Variants in TSC2 observed in about 807,000 individuals in gnomAD.
The protein encoded by TSC2 is tuberin.
In TSC2, 29 loss-of-function variants were observed where a neutral mutation model predicts 202.2. That is an observed-to-expected ratio of 0.14 (90% CI 0.11 to 0.20). TSC2 has a LOEUF of 0.20. Ranked by LOEUF, TSC2 falls within the 10% of genes least tolerant of loss-of-function variation. The pLI is 1.00. For missense variants in TSC2, 2,429 were observed against 2,420.0 expected (o/e 1.00, Z -0.08); for synonymous variants, 1,349 against 1,044.0 (o/e 1.29, Z -5.63).
chr16:2,083,132 CCT>C lies in TSC2; in HGVS notation c.3884-560_3884-559del, dbSNP rs1372262103. Reference sequence around the variant, plus strand: ...GGGCGCCCGGGGGCTGTGATGGTCCCCTCTGTTGCTGCTTCTACTTCCTCTCC... The same window carrying C: ...GGGCGCCCGGGGGCTGTGATGGTCCCCTGTTGCTGCTTCTACTTCCTCTCC... On this transcript the variant is annotated intron_variant, in intron 32 of 41. Transcript: ENST00000219476. 4 of 456,016 alleles carry C rather than the reference CCT, an allele frequency of 8.8e-6. No homozygotes were observed. In the East Asian group the frequency reaches 2.8e-4, roughly 32 times the overall value. 28.2% of individuals were successfully genotyped at this position (456,016 alleles called of 1,614,324 possible). A position where few individuals can be genotyped will look rare whatever the true frequency, so the allele number is the denominator to read the frequency against.
intron 17 of TSC2, 78 bp from the exon 18 acceptor site, chr16:2,071,432 G>A (rs916083280): frequency 6.7e-7 from 1 of 1,481,546 alleles, no homozygotes; most frequent in Non-Finnish European, 9.3e-7. Context: ...GCTGGACGTG[G>A]GTCTGAGCAG....
intron 5 of TSC2, chr16:2,055,138 T>C (rs2085609538): frequency 3.6e-6 from 2 of 555,846 alleles, no homozygotes; most frequent in African/African-American, 3.8e-5. Context: ...GTGTACGGCA[T>C]ACACACTTCT....
At chr16:2,086,159 G>A (rs1242973406) in intron 36 of TSC2, 34 bp from the exon 37 acceptor site, 3 of 1,611,708 alleles carry the variant, frequency 1.9e-6, no homozygotes, top group East Asian at 2.2e-5. Flanking sequence ...CGGCCCGGGA[G>A]TGATGCCACC....
chr16:2,063,105 C>T (rs568197625), intron 14 of TSC2, 52 bp downstream of exon 14: 45 of 1,543,192 alleles, frequency 2.9e-5, no homozygotes, highest in Admixed American at 2.2e-4. Context: ...TCTCCGTGGG[C>T]GGGCTGTCTC....
chr16:2,079,746 G>A lies in TSC2; in HGVS notation c.3397+77G>A. 2 of 1,456,634 alleles carry A rather than the reference G, an allele frequency of 1.4e-6. No homozygotes were observed. Among genetic ancestry groups the A allele is most frequent in the East Asian group, 5.0e-5 (2 of 40,316 alleles). The allele number at this position is 1,456,634 out of a possible 1,614,324, so 90.2% of individuals were successfully genotyped here. The stretch of plus-strand genomic sequence containing the variant: ...GCTGCTGGTCCCAGTGTTCAGGAAG[G>A]CCCCGAGCCCAGGGGCCGGGGTGGC... On this transcript the variant is annotated intron_variant, in intron 29 of 41. Transcript: ENST00000219476. The surrounding 1 kb of genome is among the most constrained non-coding windows in gnomAD (Gnocchi z 4.6).
At chr16:2,071,282 CA>C (rs2088333069) in intron 17 of TSC2, 8 of 607,088 alleles carry the variant, frequency 1.3e-5, no homozygotes, top group South Asian at 1.3e-4. Context: ...GTGGGGACAC[CA>C]GGCTCTGTGA....
chr16:2,062,943 A>T, intron 13 of TSC2, 29 bp from the exon 14 acceptor site: 1 of 1,545,888 alleles, frequency 6.5e-7, no homozygotes. Context: ...GGCACTCCCC[A>T]CCCGCCCCAG....
chr16:2,079,188 C>T lies in TSC2; in HGVS notation c.3123C>T (p.Val1041=), dbSNP rs776710692. ...ACGTCTTCTCCAACTTCACGGCTGTCCCGAAGAGGTCCAGGCGGCACTACA... is the reference window on the plus strand; with the variant it reads ...ACGTCTTCTCCAACTTCACGGCTGTTCCGAAGAGGTCCAGGCGGCACTACA... ...ARYVFSNFTA[V]PKRSPVGEFL... The change falls in exon 27 of 42, where the codon GTC becomes GTT. Residue 1041 remains valine, a synonymous_variant. Coordinates refer to ENST00000219476, the MANE Select transcript of TSC2 (RefSeq NM_000548.5). The surrounding 1 kb of genome is among the most constrained non-coding windows in gnomAD (Gnocchi z 4.6). 1.9e-6 allele frequency: 3 copies of T among 1,612,928 alleles called. No individual in the cohort carries two copies. The highest frequency in any genetic ancestry group is 2.2e-5 in the South Asian group (2 of 91,078).
rs1358834036 is a variant in TSC2 at position 2,060,817 on chromosome 16, GGGTGGGGGCAGGAGCTCCGGGGA to G, written c.1119+6_1119+28del. 3 of 1,613,322 alleles carry G rather than the reference GGGTGGGGGCAGGAGCTCCGGGGA, an allele frequency of 1.9e-6. No homozygotes were observed. The highest frequency in any genetic ancestry group is 2.5e-6 in the Non-Finnish European group (3 of 1,179,962). ...ACGGCTCCTTCAGCAGCTCCAGGTGGGGTGGGGGCAGGAGCTCCGGGGAGCACCGGGAACCCAGACAGGCAGGC... is the reference window on the plus strand; with the variant it reads ...ACGGCTCCTTCAGCAGCTCCAGGTGGGCACCGGGAACCCAGACAGGCAGGC... On this transcript the variant is annotated splice_donor_5th_base_variant and intron_variant, in intron 11 of 41. Coordinates refer to ENST00000219476, the MANE Select transcript of TSC2 (RefSeq NM_000548.5).
At chr16:2,054,970 G>C (rs2085583148) in intron 5 of TSC2, 1 of 341,944 alleles carries the variant, frequency 2.9e-6, no homozygotes, top group Non-Finnish European at 5.6e-6. Flanking sequence ...CTGCAGGACA[G>C]GTGCCGGCCA....
At chr16:2,059,533 T>TA (rs397739220) in intron 10 of TSC2, among the ~76,000 whole-genome samples, 10 of 142,354 alleles carry the variant, frequency 7.0e-5, no homozygotes, top group Admixed American at 3.5e-4. Context: ...TTTTTTTTTT[T>TA]AATGGGACAG....
chr16:2,074,022 C>A (rs558943525), intron 21 of TSC2, among the ~76,000 whole-genome samples, 178 bp from the exon 22 acceptor site: 31 of 152,372 alleles, frequency 2.0e-4, no homozygotes, highest in Non-Finnish European at 3.4e-4. Flanking sequence ...CTGACCGGAG[C>A]AGTCTGCTGT....
chr16:2,049,366 A>G (rs1596239191), intron 2 of TSC2, among the ~76,000 whole-genome samples: 1 of 151,796 alleles, frequency 6.6e-6, no homozygotes, highest in African/African-American at 2.4e-5. Flanking sequence ...GATTACAGGC[A>G]TGAGCCATCG....
In TSC2 at chr16:2,079,272, C is replaced by T. The variant is rs1228693719; in HGVS notation, c.3132-4C>T. 4 of 1,613,006 alleles carry T rather than the reference C, an allele frequency of 2.5e-6. No individual in the cohort carries two copies. The highest frequency in any genetic ancestry group is 1.3e-5 in the African/African-American group (1 of 75,044). ...AGCTGGGTTTCACGCTCCCTGTCTTCTAGGTCTCCTGTGGGCGAGTTCCTC... is the reference window on the plus strand; with the variant it reads ...AGCTGGGTTTCACGCTCCCTGTCTTTTAGGTCTCCTGTGGGCGAGTTCCTC... On this transcript the variant is annotated splice_region_variant and splice_polypyrimidine_tract_variant and intron_variant, in intron 27 of 41. Coordinates refer to ENST00000219476, the MANE Select transcript of TSC2 (RefSeq NM_000548.5). The surrounding 1 kb of genome is among the most constrained non-coding windows in gnomAD (Gnocchi z 4.6).
chr16:2,050,368 T>C (rs757244007), intron 2 of TSC2, 32 bp from the exon 3 acceptor site: 1 of 1,604,518 alleles, frequency 6.2e-7, no homozygotes, highest in Non-Finnish European at 8.5e-7. Context: ...GCCTGAGCAC[T>C]GGCCCCTTTT....
At chr16:2,064,210 AGTGT>A in intron 14 of TSC2, 58 bp from the exon 15 acceptor site, 1 of 1,612,474 alleles carries the variant, frequency 6.2e-7, no homozygotes, top group Non-Finnish European at 8.5e-7. Flanking sequence ...AGGAATTGGA[AGTGT>A]CACGAGATGT....
In TSC2 at chr16:2,082,419, A is replaced by G; in HGVS notation, c.3815-17A>G. ...CCTCCTCCTGCTGACGTGGCCGCAC[A>G]CGGCCTTCCCTTGCAGTGGCCTCTT... On this transcript the variant is annotated splice_polypyrimidine_tract_variant and intron_variant, in intron 31 of 41. Transcript: ENST00000219476. The G allele has an allele frequency of 6.2e-7, 1 of 1,612,428 alleles. No individual in the cohort carries two copies. The highest frequency in any genetic ancestry group is 8.5e-7 in the Non-Finnish European group (1 of 1,179,940).
rs2091279132 is a variant in TSC2, at chr16:2,088,884, CA to C, written c.*275del. ...GCACACTCGCGCGTGCGCGCGCGCACACACACACACACACAGTCACCTTCCT... is the reference window on the plus strand; with the variant it reads ...GCACACTCGCGCGTGCGCGCGCGCACCACACACACACACAGTCACCTTCCT... On this transcript the variant is annotated 3_prime_UTR_variant, in exon 42 of 42. Coordinates refer to ENST00000219476, the MANE Select transcript of TSC2 (RefSeq NM_000548.5). 3.0e-6 allele frequency: 1 copy of C among 328,134 alleles called. No individual in the cohort carries two copies. The highest frequency in any genetic ancestry group is 2.7e-5 in the African/African-American group (1 of 37,704). The allele number at this position is 328,134 out of a possible 1,614,324, so 20.3% of individuals were successfully genotyped here.
rs1474229240 is a variant in TSC2, at chr16:2,064,137, GCT to G, written c.1444-130_1444-129del. The G allele has an allele frequency of 3.5e-6, 5 of 1,423,174 alleles. No individual in the cohort carries two copies. In the African/African-American group the frequency reaches 5.6e-5, roughly 16 times the overall value. The allele number at this position is 1,423,174 out of a possible 1,614,324, so 88.2% of individuals were successfully genotyped here. A position where few individuals can be genotyped will look rare whatever the true frequency, so the allele number is the denominator to read the frequency against. ...TGAGTCGCGCTCAGCGGGTGCTTGT[GCT>G]CTCTGCCCAGCTGTGCTGAAGTCCC... On this transcript the variant is annotated intron_variant, in intron 14 of 41. Coordinates refer to ENST00000219476, the MANE Select transcript of TSC2 (RefSeq NM_000548.5).
Sources: gnomAD v4.1 joint callset for allele counts (sites outside exome capture counted in the v4.1 genomes callset) on GRCh38, gnomAD v4.1.1 for gene constraint, Gnocchi (gnomAD v3.1) non-coding constraint, MANE v1.5 for transcripts, NCBI Gene and HGNC (gene_info 2026-07-23, HGNC 2026-07-21) for gene names.